Variants in DPYD observed in about 807,000 individuals in gnomAD.
The protein encoded by DPYD is dihydropyrimidine dehydrogenase [NADP(+)].
A neutral mutation model predicts 116.2 loss-of-function variants in DPYD; 109 were observed. The observed-to-expected ratio is 0.94, with a 90% CI of 0.80 to 1.10. DPYD has a LOEUF of 1.10. Ranked by LOEUF, DPYD falls within the 50% of genes least tolerant of loss-of-function variation. The pLI is 0.00. For synonymous variants in DPYD, 440 were observed against 432.0 expected, an observed-to-expected ratio of 1.02 and a Z score of -0.23; for missense variants, 1,302 against 1,254.5, an observed-to-expected ratio of 1.04 and a Z score of -0.57.
At chr1:97,522,868 C>T (rs1648785636) in intron 12 of DPYD, among the ~76,000 whole-genome samples, 1 of 151,930 alleles carries the variant, frequency 6.6e-6, no homozygotes. Context: ...TCCTTTTTTT[C>T]TCTAGGCTAA....
intron 12 of DPYD, chr1:97,546,692 G>T: frequency 6.2e-7 from 1 of 1,612,932 alleles, no homozygotes; most frequent in Non-Finnish European, 8.5e-7. Context: ...TATCATGTGT[G>T]TACACTAAAA....
rs183845838 is a variant in DPYD, at chr1:97,492,544, C to T, written c.1740+23182G>A. ...TATCAATTGGACTATTGACGTTCCACGTATGCAGATCATAGTATCTTTTCC... is the reference window on the plus strand; with the variant it reads ...TATCAATTGGACTATTGACGTTCCATGTATGCAGATCATAGTATCTTTTCC... On this transcript the variant is annotated intron_variant, in intron 13 of 22. Transcript: ENST00000370192. Among the ~76,000 whole-genome samples, 10 of 152,198 alleles carry T rather than the reference C, an allele frequency of 6.6e-5. No homozygotes were observed. In the East Asian group the frequency reaches 1.2e-3, roughly 18 times the overall value.
At chr1:97,430,628 A>C (rs368730593) in intron 14 of DPYD, among the ~76,000 whole-genome samples, 68 of 152,144 alleles carry the variant, frequency 4.5e-4, no homozygotes, top group East Asian at 3.5e-3. Flanking sequence ...GAATTTTAAT[A>C]AAATACTATG....
intron 18 of DPYD, among the ~76,000 whole-genome samples, chr1:97,287,310 G>C (rs1052207485): frequency 1.3e-5 from 2 of 152,150 alleles, no homozygotes; most frequent in Non-Finnish European, 2.9e-5. Flanking sequence ...GGAGTACCCG[G>C]CTGTGTGAGC....
chr1:97,371,199 A>C (rs1671293944), intron 16 of DPYD, among the ~76,000 whole-genome samples: 1 of 152,168 alleles, frequency 6.6e-6, no homozygotes, highest in Non-Finnish European at 1.5e-5. Context: ...GATAAAGGAG[A>C]AAAAAATCAA....
chr1:97,461,133 T>G (rs972971586), intron 13 of DPYD, among the ~76,000 whole-genome samples: 1 of 152,120 alleles, frequency 6.6e-6, no homozygotes, highest in African/African-American at 2.4e-5. Flanking sequence ...TAAGGCAACC[T>G]TTGTTTTCAG....
chr1:97,616,086 T>C (rs1656249769), intron 8 of DPYD, among the ~76,000 whole-genome samples: 1 of 152,094 alleles, frequency 6.6e-6, no homozygotes, highest in Admixed American at 6.6e-5. Flanking sequence ...TTCATTATCC[T>C]TACACCCAGG....
chr1:97,555,193 C>T (rs1049434501), intron 11 of DPYD, among the ~76,000 whole-genome samples: 1 of 152,068 alleles, frequency 6.6e-6, no homozygotes, highest in African/African-American at 2.4e-5. Flanking sequence ...CTCCTCTACC[C>T]TGGCTCTGCT....
At chr1:97,602,198 T>C (rs931565127) in intron 8 of DPYD, among the ~76,000 whole-genome samples, 1 of 152,154 alleles carries the variant, frequency 6.6e-6, no homozygotes, top group Non-Finnish European at 1.5e-5. Flanking sequence ...GTATTTAATG[T>C]ATAAAACAGT....
intron 19 of DPYD, among the ~76,000 whole-genome samples, chr1:97,202,296 T>C (rs1187158449): frequency 6.6e-6 from 1 of 152,190 alleles, no homozygotes; most frequent in Non-Finnish European, 1.5e-5. Context: ...ATATATTTCT[T>C]CTCAGTACAT....
At chr1:97,471,709 C>T (rs1677670312) in intron 13 of DPYD, among the ~76,000 whole-genome samples, 1 of 152,082 alleles carries the variant, frequency 6.6e-6, no homozygotes, top group Non-Finnish European at 1.5e-5. Flanking sequence ...CTGCCACAGC[C>T]TCCCGAGGTA....
At chr1:97,414,718 A>T (rs748042160) in intron 14 of DPYD, among the ~76,000 whole-genome samples, 2 of 152,244 alleles carry the variant, frequency 1.3e-5, no homozygotes, top group Non-Finnish European at 2.9e-5. Context: ...GTAGCTAGAA[A>T]ATGTCTTAGT....
chr1:97,659,676 G>C (rs1659141153), intron 8 of DPYD, among the ~76,000 whole-genome samples: 1 of 152,036 alleles, frequency 6.6e-6, no homozygotes, highest in African/African-American at 2.4e-5. Context: ...TTTTCAACTT[G>C]CTATTTTATT....
chr1:97,448,015 G>A (rs1432077552), intron 14 of DPYD, among the ~76,000 whole-genome samples: 1 of 152,066 alleles, frequency 6.6e-6, no homozygotes, highest in East Asian at 1.9e-4. Context: ...CTTGAGTTCA[G>A]GAGTTCAAGA....
chr1:97,905,715 T>G (rs1287410342), intron 1 of DPYD, among the ~76,000 whole-genome samples: 1 of 152,032 alleles, frequency 6.6e-6, no homozygotes, highest in African/African-American at 2.4e-5. Flanking sequence ...TGTGAAGGAC[T>G]CCTTGAAGAA....
At chr1:97,194,103 C>CT (rs1222937493) in intron 19 of DPYD, among the ~76,000 whole-genome samples, 2 of 151,960 alleles carry the variant, frequency 1.3e-5, no homozygotes, top group Admixed American at 1.3e-4. Flanking sequence ...GACTAGGACA[C>CT]TGTTTGTCTG....
chr1:97,805,028 T>C (rs1319082979), intron 3 of DPYD, among the ~76,000 whole-genome samples: 1 of 151,926 alleles, frequency 6.6e-6, no homozygotes, highest in Non-Finnish European at 1.5e-5. Flanking sequence ...TTAAATGAAA[T>C]ATAAATTGAA....
At chr1:97,173,257 C>CACACATATGTACACATATATGT (rs1656900251) in intron 20 of DPYD, among the ~76,000 whole-genome samples, 1 of 125,480 alleles carries the variant, frequency 8.0e-6, no homozygotes, top group East Asian at 2.9e-4. Flanking sequence ...TACATATATG[C>CACACATATGTACACATATATGT]ACACATATGT....
At chr1:97,519,818 G>A (rs991684689) in intron 12 of DPYD, among the ~76,000 whole-genome samples, 1 of 151,982 alleles carries the variant, frequency 6.6e-6, no homozygotes, top group Non-Finnish European at 1.5e-5. Context: ...AAAATACTTT[G>A]TGCCTCCCTA....
Sources: allele counts gnomAD v4.1 joint callset (sites outside exome capture counted in the v4.1 genomes callset), GRCh38; gene constraint gnomAD v4.1.1; transcripts MANE v1.5; gene names NCBI Gene and HGNC (gene_info 2026-07-23, HGNC 2026-07-21).